The following PDE10A variants were observed in gnomAD, a reference collection of about 807,000 sequenced individuals.
PDE10A encodes cAMP and cAMP-inhibited cGMP 3',5'-cyclic phosphodiesterase 10A.
In PDE10A, 39 loss-of-function variants were observed where a neutral mutation model predicts 97.7. That is an observed-to-expected ratio of 0.40 (90% confidence interval 0.31 to 0.52). The LOEUF (loss-of-function observed/expected upper bound fraction) is 0.52, where lower values mean the gene tolerates loss of function less well. Among genes scored for constraint, PDE10A ranks in the 20% least tolerant of loss-of-function variants. The pLI is 0.56. For synonymous variants in PDE10A, 371 were observed against 376.8 expected, an observed-to-expected ratio of 0.98 and a Z score of 0.18; for missense variants, 731 against 1,047.8, an observed-to-expected ratio of 0.70 and a Z score of 4.17.
chr6:165,854,524 G>T (rs1389243555), intron 1 of PDE10A, among the ~76,000 whole-genome samples: 2 of 152,218 alleles, frequency 1.3e-5, no homozygotes, highest in Non-Finnish European at 2.9e-5. Context: ...AGCCCTGAGG[G>T]GCGGCCTCAA....
intron 1 of PDE10A, among the ~76,000 whole-genome samples, chr6:165,971,961 G>A (rs546429365): frequency 2.0e-5 from 3 of 152,264 alleles, no homozygotes; most frequent in African/African-American, 7.2e-5. Context: ...ACCTGTTAAA[G>A]TATAGAATAA....
At chr6:165,378,133 A>G (rs1408415238) in intron 18 of PDE10A, among the ~76,000 whole-genome samples, 2 of 152,246 alleles carry the variant, frequency 1.3e-5, no homozygotes, top group African/African-American at 2.4e-5. Flanking sequence ...TTGAAGAGGT[A>G]AACTTTATTA....
At chr6:165,483,609 G>C (rs972685527) in intron 2 of PDE10A, among the ~76,000 whole-genome samples, 1 of 152,152 alleles carries the variant, frequency 6.6e-6, no homozygotes, top group African/African-American at 2.4e-5. Flanking sequence ...AGGCATATGT[G>C]CTTTTAATTT....
At chr6:165,364,946 G>T (rs942217537) in intron 18 of PDE10A, among the ~76,000 whole-genome samples, 1 of 152,008 alleles carries the variant, frequency 6.6e-6, no homozygotes, top group Non-Finnish European at 1.5e-5. Flanking sequence ...GCAAGGTATA[G>T]TTCAGTCAAT....
intron 18 of PDE10A, among the ~76,000 whole-genome samples, chr6:165,352,981 C>T (rs1782795055): frequency 6.6e-6 from 1 of 152,130 alleles, no homozygotes; most frequent in South Asian, 2.1e-4. Flanking sequence ...ACAAAGAACC[C>T]TCAAAATTCA....
chr6:165,468,365 G>A (rs1778788479), intron 3 of PDE10A, among the ~76,000 whole-genome samples: 1 of 152,058 alleles, frequency 6.6e-6, no homozygotes, highest in African/African-American at 2.4e-5. Context: ...TGGGATTACA[G>A]GCGTGAGCCA....
At chr6:165,694,038 C>G (rs925084625) in intron 1 of PDE10A, among the ~76,000 whole-genome samples, 4 of 152,262 alleles carry the variant, frequency 2.6e-5, no homozygotes, top group East Asian at 3.9e-4. Flanking sequence ...CAAGTTGAAA[C>G]ATCTCACAAA....
intron 1 of PDE10A, among the ~76,000 whole-genome samples, chr6:165,958,583 C>A (rs705793): frequency 0.1 from 412 of 3,932 alleles, 59 homozygotes; most frequent in East Asian, 0.23. Context: ...GAAAGAAAGA[C>A]AGAAAGAGAG....
intron 17 of PDE10A, among the ~76,000 whole-genome samples, chr6:165,380,945 CA>C (rs1179712863): frequency 6.6e-6 from 1 of 152,246 alleles, no homozygotes; most frequent in African/African-American, 2.4e-5. Flanking sequence ...CATGTTTCAG[CA>C]TGTCTGGCTG....
intron 1 of PDE10A, among the ~76,000 whole-genome samples, chr6:165,741,081 T>C (rs1257172354): frequency 1.3e-5 from 2 of 152,172 alleles, no homozygotes; most frequent in African/African-American, 4.8e-5. Context: ...CTGTCTTGTA[T>C]ACTTGAAATT....
At position 165,416,180 on chromosome 6, in the gene PDE10A, A is replaced by G. The variant is rs1788298997; in HGVS notation, c.1889+9T>C. ...AATCAATGGAGTGTCGACATCAGCT[A>G]TTTCTTACCTGTTAAAGCGTGGGTC... On this transcript the variant is annotated intron_variant, in intron 12 of 21. Coordinates refer to ENST00000539869, the MANE Select transcript of PDE10A (RefSeq NM_001385079.1). 2.6e-6 allele frequency: 4 copies of G among 1,563,344 alleles called. No homozygotes were observed.
intron 1 of PDE10A, among the ~76,000 whole-genome samples, chr6:165,670,806 T>C (rs997574517): frequency 7.9e-5 from 12 of 152,228 alleles, no homozygotes; most frequent in African/African-American, 2.9e-4. Flanking sequence ...GCATTATCCA[T>C]ACTTTCAGTG....
At chr6:165,442,967 T>A (rs1790578351) in intron 5 of PDE10A, among the ~76,000 whole-genome samples, 1 of 151,462 alleles carries the variant, frequency 6.6e-6, no homozygotes, top group African/African-American at 2.4e-5. Flanking sequence ...AAAAAAATAG[T>A]CGAACATGGT....
intron 1 of PDE10A, among the ~76,000 whole-genome samples, chr6:165,783,799 T>C (rs1583082943): frequency 6.6e-6 from 1 of 152,170 alleles, no homozygotes; most frequent in East Asian, 1.9e-4. Context: ...AAGAGGAAAC[T>C]AGAACAAGTG....
chr6:165,471,553 A>AC (rs1420554542), intron 3 of PDE10A, among the ~76,000 whole-genome samples: 1 of 151,852 alleles, frequency 6.6e-6, no homozygotes, highest in Admixed American at 6.6e-5. Flanking sequence ...GTTAGGAACC[A>AC]CCCCCTGAAC....
At position 165,543,432 on chromosome 6, in the gene PDE10A, G is replaced by C. The variant is rs750689504; in HGVS notation, c.994+8C>G. ...CTGGTTTAAAATGAGATCCACAAGA[G>C]ACCTTACCTTCTGATTTGTTGTTCT... On this transcript the variant is annotated splice_region_variant and intron_variant, in intron 2 of 21. Coordinates refer to ENST00000539869, the MANE Select transcript of PDE10A (RefSeq NM_001385079.1). 1 of 1,610,362 alleles carries C rather than the reference G, an allele frequency of 6.2e-7. No homozygotes were observed. Among genetic ancestry groups the C allele is most frequent in the Non-Finnish European group, 8.5e-7 (1 of 1,178,756 alleles).
intron 1 of PDE10A, among the ~76,000 whole-genome samples, chr6:165,904,758 C>T (rs1460896552): frequency 1.3e-5 from 2 of 152,098 alleles, no homozygotes; most frequent in Non-Finnish European, 2.9e-5. Flanking sequence ...TTTTTGTGTT[C>T]GCTTAGTACT....
intron 18 of PDE10A, among the ~76,000 whole-genome samples, chr6:165,352,008 C>A (rs1782724301): frequency 6.6e-6 from 1 of 152,018 alleles, no homozygotes; most frequent in Non-Finnish European, 1.5e-5. Context: ...TGCCTGCCAC[C>A]ACTCCCAGTT....
chr6:165,333,099 T>C lies in PDE10A; in HGVS notation c.3094A>G (p.Ile1032Val). 6.2e-7 allele frequency: 1 copy of C among 1,610,276 alleles called. No individual in the cohort carries two copies. Among genetic ancestry groups the C allele is most frequent in the Non-Finnish European group, 8.5e-7 (1 of 1,176,494 alleles). Residue 1032 changes from isoleucine to valine, a missense_variant, in exon 22 of 22, where the codon ATT (isoleucine) becomes GTT (valine). This residue lies in a region of PDE10A where 34 missense variants were observed against 29.7 expected (regional missense o/e 1.14). Coordinates refer to ENST00000539869, the MANE Select transcript of PDE10A (RefSeq NM_001385079.1). ...CAGGTTGCAGTCTCCTCCCCTCGAA[T>C]CACCTTCTCCCACTGACTGAGATTA... ...RDNLSQWEKV[I>V]RGEETATWIS...
Sources: gnomAD v4.1 joint callset for allele counts (sites outside exome capture counted in the v4.1 genomes callset) on GRCh38, gnomAD v4.1.1 for gene constraint, gnomAD v4.1.1 regional missense constraint, MANE v1.5 for transcripts, NCBI Gene and HGNC (gene_info 2026-07-23, HGNC 2026-07-21) for gene names.